Variants in CCDC102B observed in about 807,000 individuals in gnomAD.
CCDC102B encodes coiled-coil domain containing 102B.
In CCDC102B, 75 loss-of-function variants were observed where a neutral mutation model predicts 57.4. That is an observed-to-expected ratio of 1.31 (90% CI 1.08 to 1.58). CCDC102B has a LOEUF of 1.58. Ranked by LOEUF, CCDC102B falls within the 40% of genes most tolerant of loss-of-function variation. The pLI is 0.00. For missense variants in CCDC102B, 636 were observed against 582.6 expected, an observed-to-expected ratio of 1.09 and a Z score of -0.94; for synonymous variants, 206 against 201.9, an observed-to-expected ratio of 1.02 and a Z score of -0.17.
chr18:69,056,857 A>T (rs1446617949), downstream of CCDC102B, among the ~76,000 whole-genome samples: 1 of 151,990 alleles, frequency 6.6e-6, no homozygotes, highest in African/African-American at 2.4e-5. Context: ...ATTACCCAGA[A>T]ATGTTTCATC....
chr18:68,843,234 T>C (rs1416160309), intron 3 of CCDC102B, among the ~76,000 whole-genome samples: 1 of 152,196 alleles, frequency 6.6e-6, no homozygotes, highest in Non-Finnish European at 1.5e-5. Context: ...TTTAATACTA[T>C]CTCTAAATTT....
intron 2 of CCDC102B, among the ~76,000 whole-genome samples, chr18:68,762,915 G>T (rs1244832131): frequency 6.6e-6 from 1 of 152,068 alleles, no homozygotes; most frequent in Non-Finnish European, 1.5e-5. Context: ...GAGGGGCTTG[G>T]AATGTATCCG....
intron 4 of CCDC102B, among the ~76,000 whole-genome samples, chr18:68,853,446 A>G (rs1182259664): frequency 3.3e-5 from 5 of 151,996 alleles, no homozygotes; most frequent in African/African-American, 9.7e-5. Flanking sequence ...TGATATTACT[A>G]TATCGCTCTC....
chr18:68,844,666 C>T (rs2037780464), intron 3 of CCDC102B, among the ~76,000 whole-genome samples: 1 of 151,864 alleles, frequency 6.6e-6, no homozygotes, highest in Admixed American at 6.6e-5. Flanking sequence ...CAATATATTT[C>T]ACCATATGAT....
chr18:68,772,182 A>G (rs1450884858), intron 2 of CCDC102B, among the ~76,000 whole-genome samples: 4 of 152,200 alleles, frequency 2.6e-5, no homozygotes, highest in Admixed American at 6.5e-5. Context: ...CTGTCAATCA[A>G]AATTAGAAAT....
At chr18:68,818,951 T>G (rs1405836180) in intron 1 of CCDC102B, among the ~76,000 whole-genome samples, 1 of 152,070 alleles carries the variant, frequency 6.6e-6, no homozygotes, top group African/African-American at 2.4e-5. Context: ...GTTTTTAGCA[T>G]GTTATTGAAA....
At chr18:68,922,131 A>G (rs909088914) in intron 6 of CCDC102B, among the ~76,000 whole-genome samples, 2 of 152,140 alleles carry the variant, frequency 1.3e-5, no homozygotes, top group African/African-American at 4.8e-5. Flanking sequence ...CAGAAGAAGT[A>G]GTGTGTCTTA....
At position 68,898,482 on chromosome 18, in the gene CCDC102B, C is replaced by T. The variant is rs572042442; in HGVS notation, c.1263+1054C>T. On this transcript the variant is annotated intron_variant, in intron 6 of 7. Coordinates refer to ENST00000360242, the MANE Select transcript of CCDC102B (RefSeq NM_024781.3). Reference sequence around the variant, plus strand: ...TCTATTATATTGATTCATAAACTATCCATAATAATGTATTTGATTCTGACA... The same window carrying T: ...TCTATTATATTGATTCATAAACTATTCATAATAATGTATTTGATTCTGACA... Among the ~76,000 whole-genome samples, 15 of 152,144 alleles carry T rather than the reference C, an allele frequency of 9.9e-5. No homozygotes were observed. In the East Asian group the frequency reaches 2.7e-3, roughly 27 times the overall value.
chr18:69,026,539 G>A (rs2145433155), intron 7 of CCDC102B, among the ~76,000 whole-genome samples: 1 of 151,722 alleles, frequency 6.6e-6, no homozygotes, highest in East Asian at 1.9e-4. Context: ...GCATAATACG[G>A]CATTCAGAGG....
At chr18:69,026,912 A>G (rs925889460) in intron 7 of CCDC102B, among the ~76,000 whole-genome samples, 12 of 152,332 alleles carry the variant, frequency 7.9e-5, no homozygotes, top group African/African-American at 2.9e-4. Flanking sequence ...ATGCATGAGC[A>G]CGGGGAAAGG....
At chr18:68,738,629 G>T (rs1429418465) in intron 2 of CCDC102B, among the ~76,000 whole-genome samples, 3 of 152,168 alleles carry the variant, frequency 2.0e-5, no homozygotes, top group Non-Finnish European at 4.4e-5. Context: ...CTTCATCTGA[G>T]CCCATTGCAT....
At chr18:68,861,094 A>G (rs1318904904) in intron 4 of CCDC102B, among the ~76,000 whole-genome samples, 25 of 148,922 alleles carry the variant, frequency 1.7e-4, no homozygotes, top group Admixed American at 1.6e-3. Flanking sequence ...CCCAGCATAT[A>G]GGAAATGTCT....
At chr18:68,951,009 G>C (rs1196091655) in intron 6 of CCDC102B, among the ~76,000 whole-genome samples, 1 of 152,140 alleles carries the variant, frequency 6.6e-6, no homozygotes, top group African/African-American at 2.4e-5. Context: ...ATATGGGACA[G>C]AGTTAACAAT....
At chr18:68,786,961 G>A (rs1405515633) in intron 2 of CCDC102B, among the ~76,000 whole-genome samples, 1 of 152,090 alleles carries the variant, frequency 6.6e-6, no homozygotes, top group Non-Finnish European at 1.5e-5. Context: ...ATTGGCTGTG[G>A]GTTTGTCATA....
chr18:68,908,869 A>G (rs2040736633), intron 6 of CCDC102B, among the ~76,000 whole-genome samples: 1 of 152,176 alleles, frequency 6.6e-6, no homozygotes, highest in Admixed American at 6.5e-5. Flanking sequence ...ATATGAGTGT[A>G]TGAATGTGTA....
chr18:68,830,985 A>G (rs1323673659), intron 1 of CCDC102B, among the ~76,000 whole-genome samples: 1 of 151,968 alleles, frequency 6.6e-6, no homozygotes, highest in African/African-American at 2.4e-5. Context: ...TGGATTTTGG[A>G]TCTCTCTGTA....
At chr18:68,933,315 A>AT (rs1373733641) in intron 6 of CCDC102B, among the ~76,000 whole-genome samples, 1 of 151,774 alleles carries the variant, frequency 6.6e-6, no homozygotes, top group East Asian at 1.9e-4. Context: ...TCTTTTTGCT[A>AT]TTTTTTTCAC....
At chr18:69,047,023 G>A (rs1414706556) in intron 7 of CCDC102B, among the ~76,000 whole-genome samples, 1 of 152,124 alleles carries the variant, frequency 6.6e-6, no homozygotes, top group African/African-American at 2.4e-5. Flanking sequence ...TTGAAGTTGG[G>A]TAATGTGATG....
intron 2 of CCDC102B, chr18:68,734,631 G>A (rs1358114755): frequency 6.6e-6 from 1 of 151,976 alleles, no homozygotes; most frequent in African/African-American, 2.4e-5. Context: ...GAGTATCCTT[G>A]TTTATTTTTT....
Sources: allele counts gnomAD v4.1 joint callset (sites outside exome capture counted in the v4.1 genomes callset), GRCh38; gene constraint gnomAD v4.1.1; transcripts MANE v1.5; gene names NCBI Gene and HGNC (gene_info 2026-07-23, HGNC 2026-07-21).